The following FBXW7 variants were observed in gnomAD, a reference collection of about 807,000 sequenced individuals.
The protein encoded by FBXW7 is F-box and WD repeat domain containing 7, also known as F-box/WD repeat-containing protein 7.
FBXW7 carries 11 observed loss-of-function variants against 86.3 expected under a neutral mutation model. The ratio of observed to expected loss-of-function variants is 0.13; its 90% CI spans 0.08 to 0.21. FBXW7 has a LOEUF of 0.21. FBXW7 is among the 10% of genes least tolerant of loss of function. The pLI is 1.00. For synonymous variants in FBXW7, 313 were observed against 297.9 expected (o/e 1.05, Z -0.52); for missense variants, 488 against 847.4 (o/e 0.58, Z 5.27).
intron 2 of FBXW7, among the ~76,000 whole-genome samples, chr4:152,526,058 T>C (rs949164312): frequency 2.0e-5 from 3 of 152,162 alleles, no homozygotes; most frequent in Admixed American, 1.3e-4. Flanking sequence ...ATGAGTAATA[T>C]TGAGCTTTCT....
chr4:152,416,285 T>C (rs1453423321), intron 2 of FBXW7, among the ~76,000 whole-genome samples: 1 of 152,164 alleles, frequency 6.6e-6, no homozygotes, highest in African/African-American at 2.4e-5. Flanking sequence ...CGTCAATTAC[T>C]TTAAATACAT....
intron 2 of FBXW7, among the ~76,000 whole-genome samples, chr4:152,504,648 T>G (rs1351563773): frequency 6.6e-6 from 1 of 152,188 alleles, no homozygotes; most frequent in Non-Finnish European, 1.5e-5. Context: ...AGCGAAATAC[T>G]TAAGTGTGTC....
intron 7 of FBXW7, among the ~76,000 whole-genome samples, chr4:152,333,887 C>T (rs1405152593): frequency 3.3e-5 from 5 of 151,992 alleles, no homozygotes; most frequent in African/African-American, 1.2e-4. Context: ...AACCCCATCT[C>T]TACTAAAAAT....
intron 4 of FBXW7, among the ~76,000 whole-genome samples, chr4:152,366,536 T>C (rs1269011871): frequency 6.6e-6 from 1 of 152,144 alleles, no homozygotes; most frequent in Non-Finnish European, 1.5e-5. Context: ...GTGTTGTAAC[T>C]TATACTAGCT....
chr4:152,504,469 C>T (rs980618281), intron 2 of FBXW7, among the ~76,000 whole-genome samples: 7 of 152,014 alleles, frequency 4.6e-5, no homozygotes, highest in Admixed American at 3.3e-4. Flanking sequence ...GTCAGTAATA[C>T]GGAGTTGACA....
chr4:152,488,362 C>T (rs999251672), intron 2 of FBXW7, among the ~76,000 whole-genome samples: 1 of 152,150 alleles, frequency 6.6e-6, no homozygotes, highest in Admixed American at 6.5e-5. Flanking sequence ...AGAAGGTCAA[C>T]GGCTTTCACT....
intron 2 of FBXW7, among the ~76,000 whole-genome samples, chr4:152,519,814 G>A (rs1748839516): frequency 6.6e-6 from 1 of 152,158 alleles, no homozygotes; most frequent in Non-Finnish European, 1.5e-5. Context: ...GAGACAGCAT[G>A]CATGATTAAA....
At chr4:152,373,574 G>A (rs1404808350) in intron 4 of FBXW7, among the ~76,000 whole-genome samples, 1 of 151,834 alleles carries the variant, frequency 6.6e-6, no homozygotes, top group African/African-American at 2.4e-5. Context: ...AAAAACATAA[G>A]ACAAGACACG....
At chr4:152,447,782 T>C (rs1741538308) in intron 2 of FBXW7, among the ~76,000 whole-genome samples, 1 of 152,120 alleles carries the variant, frequency 6.6e-6, no homozygotes, top group African/African-American at 2.4e-5. Context: ...GCAGTACAAC[T>C]CAAGAGATCA....
At chr4:152,367,765 T>C (rs1252825060) in intron 4 of FBXW7, among the ~76,000 whole-genome samples, 1 of 152,138 alleles carries the variant, frequency 6.6e-6, no homozygotes, top group African/African-American at 2.4e-5. Context: ...AACTGAAGAA[T>C]GTTATTACCA....
rs1323999347 is a variant in FBXW7, at chr4:152,411,498, T to A, written c.306A>T (p.Glu102Asp). 5.0e-6 allele frequency: 8 copies of A among 1,613,826 alleles called. No individual in the cohort carries two copies. The highest frequency in any genetic ancestry group is 2.2e-5 in the South Asian group (2 of 91,024). ...SGNQEEQEED[E>D]EHAGEQDEED... is the part of the protein sequence containing the mutation. Reference sequence around the variant, plus strand: ...CCTCATCTTGTTCACCAGCATGTTCTTCATCTTCCTCTTGTTCTTCTTGGT... The same window carrying A: ...CCTCATCTTGTTCACCAGCATGTTCATCATCTTCCTCTTGTTCTTCTTGGT... The change falls in exon 4 of 14, where the codon GAA (glutamate) becomes GAT (aspartate). Residue 102 changes from glutamate (E) to aspartate (D), a missense_variant. Transcript: ENST00000281708.
chr4:152,379,040 G>GT (rs1734816531), intron 4 of FBXW7, among the ~76,000 whole-genome samples: 1 of 151,916 alleles, frequency 6.6e-6, no homozygotes, highest in Non-Finnish European at 1.5e-5. Context: ...GCAATTATTA[G>GT]TTGTAAGCTG....
chr4:152,432,062 G>C (rs2126952274), intron 2 of FBXW7, among the ~76,000 whole-genome samples: 1 of 152,202 alleles, frequency 6.6e-6, no homozygotes, highest in East Asian at 1.9e-4. Flanking sequence ...GGCTGTTTAG[G>C]GTAGTGGTCT....
chr4:152,355,619 TCTTGTGTTGACTGACAA>T (rs1732297201), intron 4 of FBXW7, among the ~76,000 whole-genome samples: 1 of 152,142 alleles, frequency 6.6e-6, no homozygotes, highest in Admixed American at 6.6e-5. Flanking sequence ...AAAAATTAAT[TCTTGTGTTGACTGACAA>T]CCTAGAAGCA....
At chr4:152,468,582 T>G (rs1743662509) in intron 2 of FBXW7, among the ~76,000 whole-genome samples, 1 of 152,164 alleles carries the variant, frequency 6.6e-6, no homozygotes, top group Non-Finnish European at 1.5e-5. Context: ...TATTAGTGGT[T>G]GCCTAGGGCT....
At chr4:152,330,905 C>G (rs2126537394) in intron 8 of FBXW7, 37 bp from the exon 9 acceptor site, 2 of 1,594,616 alleles carry the variant, frequency 1.3e-6, no homozygotes, top group Non-Finnish European at 1.7e-6. Flanking sequence ...TTGCCTTCAC[C>G]AATAATAACA....
chr4:152,499,379 C>G (rs1746690331), intron 2 of FBXW7, among the ~76,000 whole-genome samples: 1 of 152,152 alleles, frequency 6.6e-6, no homozygotes, highest in Non-Finnish European at 1.5e-5. Flanking sequence ...AAATTGAGTT[C>G]TGACTCTATA....
chr4:152,411,116 T>A, intron 4 of FBXW7, 187 bp downstream of exon 4: 1 of 985,054 alleles, frequency 1.0e-6, no homozygotes. Flanking sequence ...ACTCAGATTG[T>A]CCCATTATCA....
intron 2 of FBXW7, among the ~76,000 whole-genome samples, chr4:152,471,881 C>T (rs1196263336): frequency 6.6e-6 from 1 of 151,982 alleles, no homozygotes; most frequent in East Asian, 1.9e-4. Context: ...GCCTGGGTGA[C>T]AGAGTGAGAC....
Sources: gnomAD v4.1 joint callset for allele counts (sites outside exome capture counted in the v4.1 genomes callset) on GRCh38, gnomAD v4.1.1 for gene constraint, MANE v1.5 for transcripts, NCBI Gene and HGNC (gene_info 2026-07-23, HGNC 2026-07-21) for gene names.